The following TMEM132B variants were observed in gnomAD, a reference collection of about 807,000 sequenced individuals.
TMEM132B encodes the protein transmembrane protein 132B.
TMEM132B carries 18 observed loss-of-function variants against 90.8 expected under a neutral mutation model. The ratio of observed to expected loss-of-function variants is 0.20; its 90% CI spans 0.14 to 0.29. TMEM132B has a LOEUF of 0.29. TMEM132B is among the 10% of genes least tolerant of loss of function. The pLI is 1.00. For missense variants in TMEM132B, 1,096 were observed against 1,326.8 expected, an observed-to-expected ratio of 0.83 and a Z score of 2.70; for synonymous variants, 504 against 523.3, an observed-to-expected ratio of 0.96 and a Z score of 0.50.
chr12:125,652,669 G>A, intron 8 of TMEM132B, 37 bp downstream of exon 8: 5 of 1,577,594 alleles, frequency 3.2e-6, no homozygotes, highest in Non-Finnish European at 4.3e-6. Context: ...TTGGTCAGTG[G>A]GGATGACTTC....
chr12:125,646,198 A>G lies in TMEM132B; in HGVS notation c.1643+1917A>G, dbSNP rs548416680. 7.2e-5 allele frequency among the ~76,000 whole-genome samples: 11 copies of G among 152,288 alleles called. No homozygotes were observed. In the South Asian group the frequency reaches 2.3e-3, roughly 32 times the overall value. On this transcript the variant is annotated intron_variant, in intron 6 of 8. Transcript: ENST00000682704. ...AGGTTGTTCCCTGCAGGTGTGTGGAAAGCAAGTGAGGTCAGATAGTTAGCT... is the reference window on the plus strand; with the variant it reads ...AGGTTGTTCCCTGCAGGTGTGTGGAGAGCAAGTGAGGTCAGATAGTTAGCT...
chr12:125,361,397 C>T (rs1290156215), intron 2 of TMEM132B, among the ~76,000 whole-genome samples: 1 of 152,124 alleles, frequency 6.6e-6, no homozygotes, highest in South Asian at 2.1e-4. Flanking sequence ...TCATGATCCC[C>T]CATTTCAAAG....
Position 125,654,487 on chromosome 12 carries a change from A to G in TMEM132B, c.3029A>G (p.Tyr1010Cys). 2 of 1,613,928 alleles carry G rather than the reference A, an allele frequency of 1.2e-6. No individual in the cohort carries two copies. The highest frequency in any genetic ancestry group is 1.1e-5 in the South Asian group (1 of 91,074). Residue 1010 changes from tyrosine to cysteine, a missense_variant, in exon 9 of 9, where the codon TAT (tyrosine) becomes TGT (cysteine). Physicochemically the swap from Tyr to Cys is radical, Grantham distance 194. Transcript: ENST00000682704. The surrounding 1 kb of genome is among the most constrained non-coding windows in gnomAD (Gnocchi z 5.8). ...CTACTCAGACCCTCTGACTATGTCTATGAGAAAGAAATTAAAAATGAACCT... is the reference window on the plus strand; with the variant it reads ...CTACTCAGACCCTCTGACTATGTCTGTGAGAAAGAAATTAAAAATGAACCT... ...SQLLRPSDYV[Y>C]EKEIKNEPMN...
intron 4 of TMEM132B, among the ~76,000 whole-genome samples, chr12:125,575,281 G>A (rs1197236020): frequency 6.6e-6 from 1 of 150,886 alleles, no homozygotes; most frequent in Admixed American, 6.6e-5. Flanking sequence ...GTGTGAAGTG[G>A]TATCTCTTTT....
At chr12:125,494,214 CT>C (rs1219479607) in intron 3 of TMEM132B, among the ~76,000 whole-genome samples, 1 of 122,988 alleles carries the variant, frequency 8.1e-6, no homozygotes, top group Non-Finnish European at 1.7e-5. Context: ...GATGCGTCCC[CT>C]CCTCTCCCTC....
chr12:125,218,769 G>GTTTTTTTTTTTTTTTTTTTTTTTT (rs34905706), intron 1 of TMEM132B, among the ~76,000 whole-genome samples: 2 of 108,854 alleles, frequency 1.8e-5, no homozygotes, highest in Non-Finnish European at 1.7e-5. Flanking sequence ...TGTTGAAGCT[G>GTTTTTTTTTTTTTTTTTTTTTTTT]TTTTTTTTTT....
intron 3 of TMEM132B, among the ~76,000 whole-genome samples, chr12:125,501,181 G>A (rs183714549): frequency 1.3e-5 from 2 of 152,262 alleles, no homozygotes; most frequent in African/African-American, 2.4e-5. Context: ...TTTCCATTTT[G>A]TGGAGAATTG....
intron 1 of TMEM132B, among the ~76,000 whole-genome samples, chr12:125,274,539 C>T (rs1874935811): frequency 1.3e-5 from 2 of 152,232 alleles, no homozygotes; most frequent in Non-Finnish European, 2.9e-5. Flanking sequence ...TGTTAATGCT[C>T]ATTGTCAATG....
intron 1 of TMEM132B, among the ~76,000 whole-genome samples, chr12:125,203,713 T>A (rs1210363603): frequency 6.6e-6 from 1 of 152,238 alleles, no homozygotes; most frequent in Non-Finnish European, 1.5e-5. Context: ...ATGTAAAGTA[T>A]AATTTTTTCC....
intron 4 of TMEM132B, among the ~76,000 whole-genome samples, chr12:125,537,418 C>T (rs552887031): frequency 2.6e-5 from 4 of 152,350 alleles, no homozygotes; most frequent in Admixed American, 2.0e-4. Context: ...CTGCTGGCAC[C>T]TCTTCTGGCT....
At position 125,213,187 on chromosome 12, in the gene TMEM132B, G is replaced by T. The variant is rs1407503349; in HGVS notation, c.67+26321G>T. 6.6e-6 allele frequency among the ~76,000 whole-genome samples: 1 copy of T among 152,204 alleles called. No homozygotes were observed. The highest frequency in any genetic ancestry group is 2.4e-5 in the African/African-American group (1 of 41,450). ...AGTCTTAAAATATGCACCCTTTTGG[G>T]TCTGGCTTCTTTCACTTGCACAGTG... On this transcript the variant is annotated intron_variant, in intron 1 of 8. Transcript: ENST00000682704. The surrounding 1 kb of genome is among the most constrained non-coding windows in gnomAD (Gnocchi z 4.2).
chr12:125,616,979 G>T (rs1886003804), intron 5 of TMEM132B, among the ~76,000 whole-genome samples: 1 of 152,186 alleles, frequency 6.6e-6, no homozygotes, highest in African/African-American at 2.4e-5. Context: ...AACCAAGTCT[G>T]CTAGCATCTT....
chr12:125,212,655 T>C (rs1873347113), intron 1 of TMEM132B, among the ~76,000 whole-genome samples: 1 of 151,906 alleles, frequency 6.6e-6, no homozygotes, highest in Non-Finnish European at 1.5e-5. Context: ...GATTGAGCCA[T>C]TGCACCCCAA....
chr12:125,476,554 G>C (rs564291234), intron 3 of TMEM132B, among the ~76,000 whole-genome samples: 1 of 152,134 alleles, frequency 6.6e-6, no homozygotes, highest in Non-Finnish European at 1.5e-5. Context: ...GGACACTTGG[G>C]TTGTCTCTAC....
At chr12:125,274,864 A>C (rs564424455) in intron 1 of TMEM132B, among the ~76,000 whole-genome samples, 7 of 152,286 alleles carry the variant, frequency 4.6e-5, no homozygotes, top group Admixed American at 3.9e-4. Context: ...TCAAGGTTGC[A>C]GTGAGCTATG....
chr12:125,391,040 AGTGTGT>A lies in TMEM132B; in HGVS notation c.960-24462_960-24457del, dbSNP rs57083034. Among the ~76,000 whole-genome samples the A allele has an allele frequency of 4.4e-3, 376 of 84,962 alleles. 2 individuals are homozygous for A. The highest frequency in any genetic ancestry group is 0.011 in the Middle Eastern group (2 of 178). 55.7% of individuals were successfully genotyped at this position (84,962 alleles called of 152,430 possible). A position where few individuals can be genotyped will look rare whatever the true frequency, so the allele number is the denominator to read the frequency against. On this transcript the variant is annotated intron_variant, in intron 2 of 8. Transcript: ENST00000682704. ...GATTAAAACAGATTTACTAAAGAAT[AGTGTGT>A]GTGTGTGTGTGTGTGTGTGTGTGTG...
At chr12:125,211,834 T>C (rs1294320741) in intron 1 of TMEM132B, among the ~76,000 whole-genome samples, 1 of 152,114 alleles carries the variant, frequency 6.6e-6, no homozygotes, top group African/African-American at 2.4e-5. Flanking sequence ...CCTTTAACCA[T>C]CTTGTCTGGG....
rs1236031528 is a variant in TMEM132B at position 125,408,124 on chromosome 12, A to G, written c.960-7407A>G. ...TGACTTTCCACGAACGGAATTGCAC[A>G]GTGCGCGCTTTTGGTACCTGGCTTC... On this transcript the variant is annotated intron_variant, in intron 2 of 8. Transcript: ENST00000682704. The surrounding 1 kb of genome is among the most constrained non-coding windows in gnomAD (Gnocchi z 5.9). 1.3e-5 allele frequency among the ~76,000 whole-genome samples: 2 copies of G among 152,148 alleles called. No homozygotes were observed. The highest frequency in any genetic ancestry group is 2.9e-5 in the Non-Finnish European group (2 of 68,030).
chr12:125,493,486 G>A (rs529940603), intron 3 of TMEM132B, among the ~76,000 whole-genome samples: 2 of 152,194 alleles, frequency 1.3e-5, no homozygotes, highest in Non-Finnish European at 2.9e-5. Flanking sequence ...CACACCAGAG[G>A]GAACGTCGAC....
Sources: allele counts gnomAD v4.1 joint callset (sites outside exome capture counted in the v4.1 genomes callset), GRCh38; gene constraint gnomAD v4.1.1; non-coding constraint Gnocchi (gnomAD v3.1); transcripts MANE v1.5; gene names NCBI Gene and HGNC (gene_info 2026-07-23, HGNC 2026-07-21).